The following DDAH1 variants were observed in gnomAD, a reference collection of about 807,000 sequenced individuals.
The protein encoded by DDAH1 is N(G),N(G)-dimethylarginine dimethylaminohydrolase 1.
In DDAH1, 19 loss-of-function variants were observed where a neutral mutation model predicts 28.8. The observed-to-expected ratio is 0.66, with a 90% CI of 0.46 to 0.97. DDAH1 has a LOEUF of 0.97. DDAH1 is among the 50% of genes least tolerant of loss of function. The probability of loss-of-function intolerance (pLI) is 0.00; values close to 1 mark genes in which losing one functional copy is unlikely to be tolerated. For synonymous variants in DDAH1, 153 were observed against 154.4 expected, an observed-to-expected ratio of 0.99 and a Z score of 0.07; for missense variants, 326 against 375.9, an observed-to-expected ratio of 0.87 and a Z score of 1.10.
exon 2 of DDAH1, chr1:85,496,263 CT>C: frequency 1.0e-6 from 1 of 982,128 alleles, no homozygotes; most frequent in Non-Finnish European, 1.2e-6. Context: ...ACCAGAGCTC[CT>C]TTTCCATACA....
chr1:85,476,827 A>G (rs1247901993), intron 2 of DDAH1, among the ~76,000 whole-genome samples: 3 of 152,162 alleles, frequency 2.0e-5, no homozygotes, highest in African/African-American at 7.2e-5. Context: ...ATTTTCAGAA[A>G]AATTTCTTTC....
intron 1 of DDAH1, among the ~76,000 whole-genome samples, chr1:85,434,948 TATA>T (rs1233984061): frequency 6.6e-6 from 1 of 152,088 alleles, no homozygotes; most frequent in Non-Finnish European, 1.5e-5. Flanking sequence ...CTTGACAGTA[TATA>T]ATAAGTAATG....
At chr1:85,570,364 T>TCACACACACACACACACACACA (rs35259175) in intron 1 of DDAH1, among the ~76,000 whole-genome samples, 9 of 145,574 alleles carry the variant, frequency 6.2e-5, no homozygotes, top group African/African-American at 2.0e-4. Flanking sequence ...ACACACACTG[T>TCACACACACACACACACACACA]CACACACACA....
At chr1:85,493,630 C>T (rs986899299) in intron 2 of DDAH1, 1 of 152,100 alleles carries the variant, frequency 6.6e-6, no homozygotes, top group Non-Finnish European at 1.5e-5. Context: ...CCAAAAGAGT[C>T]AGTTCAGAAG....
chr1:85,389,419 C>T (rs116609140), intron 1 of DDAH1, among the ~76,000 whole-genome samples: 70 of 152,096 alleles, frequency 4.6e-4, no homozygotes, highest in Middle Eastern at 3.4e-3. Context: ...CTAGACTATC[C>T]CATACAGAAG....
chr1:85,537,125 G>C (rs1408754702), intron 1 of DDAH1, among the ~76,000 whole-genome samples: 4 of 151,534 alleles, frequency 2.6e-5, no homozygotes, highest in African/African-American at 4.8e-5. Flanking sequence ...CATATTGCTT[G>C]AGCTCAGGAG....
At chr1:85,340,506 CT>C (rs1224404768) in intron 4 of DDAH1, among the ~76,000 whole-genome samples, 2 of 152,016 alleles carry the variant, frequency 1.3e-5, no homozygotes, top group African/African-American at 4.8e-5. Flanking sequence ...GATCTGGTCC[CT>C]TTTTCTCCCT....
intron 2 of DDAH1, among the ~76,000 whole-genome samples, chr1:85,476,632 G>A (rs1175157736): frequency 6.6e-6 from 1 of 152,066 alleles, no homozygotes; most frequent in Non-Finnish European, 1.5e-5. Flanking sequence ...GTGCTCTTTA[G>A]GGGCTATGCA....
intron 1 of DDAH1, among the ~76,000 whole-genome samples, chr1:85,420,464 G>A (rs936153723): frequency 6.6e-6 from 1 of 152,152 alleles, no homozygotes; most frequent in Non-Finnish European, 1.5e-5. Flanking sequence ...GCACTTTGCT[G>A]CTTAGAAATT....
intron 1 of DDAH1, among the ~76,000 whole-genome samples, chr1:85,462,257 A>G (rs182218670): frequency 1.3e-5 from 2 of 152,298 alleles, no homozygotes; most frequent in East Asian, 3.9e-4. Context: ...TCCATGGATC[A>G]GGGGATGCTT....
chr1:85,373,739 T>A (rs1245288772), intron 1 of DDAH1, among the ~76,000 whole-genome samples: 3 of 152,072 alleles, frequency 2.0e-5, no homozygotes, highest in African/African-American at 7.2e-5. Context: ...AGTATCCTTA[T>A]AAATACCCAG....
chr1:85,540,014 T>A (rs1658423049), intron 1 of DDAH1, among the ~76,000 whole-genome samples: 1 of 152,138 alleles, frequency 6.6e-6, no homozygotes, highest in African/African-American at 2.4e-5. Context: ...CTATGAAATA[T>A]TAAAATATTT....
At chr1:85,359,775 A>G (rs1649689216) in intron 1 of DDAH1, among the ~76,000 whole-genome samples, 1 of 152,224 alleles carries the variant, frequency 6.6e-6, no homozygotes, top group African/African-American at 2.4e-5. Flanking sequence ...ATTTGAAAAT[A>G]AATTTCAGGA....
At chr1:85,510,665 C>A (rs1657192559) in intron 1 of DDAH1, among the ~76,000 whole-genome samples, 1 of 152,094 alleles carries the variant, frequency 6.6e-6, no homozygotes, top group African/African-American at 2.4e-5. Flanking sequence ...ATCTACCAAG[C>A]AAATGGAAAG....
At chr1:85,381,289 T>C (rs1240269967) in intron 1 of DDAH1, among the ~76,000 whole-genome samples, 2 of 152,030 alleles carry the variant, frequency 1.3e-5, no homozygotes, top group East Asian at 1.9e-4. Context: ...AGTGTTTTTT[T>C]GTTTTTTGTT....
chr1:85,473,211 A>G (rs76145780), intron 2 of DDAH1, among the ~76,000 whole-genome samples: 15,711 of 152,208 alleles, frequency 0.1, 915 homozygotes, highest in African/African-American at 0.15. Context: ...GTTTGGTAGA[A>G]CTATTTCTTT....
chr1:85,557,406 G>A (rs749478009), intron 1 of DDAH1, among the ~76,000 whole-genome samples: 8 of 152,180 alleles, frequency 5.3e-5, no homozygotes, highest in Non-Finnish European at 1.2e-4. Flanking sequence ...TATAAGATAT[G>A]TGCTTGTGCC....
intron 1 of DDAH1, among the ~76,000 whole-genome samples, chr1:85,539,774 T>G (rs1396711769): frequency 1.3e-5 from 2 of 152,184 alleles, no homozygotes; most frequent in Non-Finnish European, 2.9e-5. Flanking sequence ...TTTACATTAC[T>G]GGCAGGTGAT....
chr1:85,414,220 T>C (rs779243689), intron 1 of DDAH1, among the ~76,000 whole-genome samples: 7 of 152,060 alleles, frequency 4.6e-5, no homozygotes, highest in African/African-American at 7.2e-5. Flanking sequence ...AAAGAGAGCA[T>C]TGTAGATCAG....
Sources: allele counts gnomAD v4.1 joint callset (sites outside exome capture counted in the v4.1 genomes callset), GRCh38; gene constraint gnomAD v4.1.1; transcripts MANE v1.5; gene names NCBI Gene and HGNC (gene_info 2026-07-23, HGNC 2026-07-21).